Variants in AHNAK observed in about 807,000 individuals in gnomAD.
AHNAK encodes the protein AHNAK nucleoprotein, also known as neuroblast differentiation-associated protein AHNAK.
A neutral mutation model predicts 37.8 loss-of-function variants in AHNAK; 23 were observed. That is an observed-to-expected ratio of 0.61 (90% CI 0.44 to 0.86). AHNAK has a LOEUF of 0.86. Among genes scored for constraint, AHNAK ranks in the 40% least tolerant of loss-of-function variants. AHNAK has a pLI of 0.00. For missense variants in AHNAK, 7,411 were observed against 7,319.4 expected, an observed-to-expected ratio of 1.01 and a Z score of -0.46; for synonymous variants, 2,481 against 2,636.3, an observed-to-expected ratio of 0.94 and a Z score of 1.80.
chr11:62,534,882 G>A (rs760236856), intron 4 of AHNAK, 121 bp downstream of exon 4: 2 of 1,039,728 alleles, frequency 1.9e-6, no homozygotes, highest in East Asian at 4.9e-5. Flanking sequence ...GAAGACAGGT[G>A]AGAGGAGAAG....
chr11:62,433,790 A>G, exon 6 of AHNAK: 2 of 1,563,276 alleles, frequency 1.3e-6, no homozygotes, highest in Non-Finnish European at 1.8e-6. Context: ...TGCCCTTGGC[A>G]CAGCAATATG....
chr11:62,439,875 C>A (rs886651767), intron 5 of AHNAK, among the ~76,000 whole-genome samples: 1 of 151,640 alleles, frequency 6.6e-6, no homozygotes, highest in Non-Finnish European at 1.5e-5. Flanking sequence ...GCCATGTTAG[C>A]CAGGCTGGTC....
chr11:62,480,445 A>G (rs1939244650), intron 5 of AHNAK, among the ~76,000 whole-genome samples: 1 of 151,958 alleles, frequency 6.6e-6, no homozygotes, highest in Non-Finnish European at 1.5e-5. Context: ...GTGGATCACA[A>G]GGTCGGGAGT....
intron 5 of AHNAK, among the ~76,000 whole-genome samples, chr11:62,436,752 C>T (rs1295731216): frequency 2.0e-5 from 3 of 151,540 alleles, no homozygotes; most frequent in Non-Finnish European, 2.9e-5. Context: ...CTGGCTAACA[C>T]GGTGAAACCC....
intron 4 of AHNAK, among the ~76,000 whole-genome samples, chr11:62,507,716 G>A (rs932392129): frequency 3.3e-5 from 5 of 152,164 alleles, no homozygotes; most frequent in African/African-American, 4.8e-5. Context: ...AGGAGGCAGA[G>A]GTTGCAGTAA....
Position 62,516,987 on chromosome 11 carries a change from A to G in AHNAK, c.17430T>C (p.Gly5810=). The G allele has an allele frequency of 6.2e-7, 1 of 1,613,926 alleles. No individual in the cohort carries two copies. The highest frequency in any genetic ancestry group is 1.1e-5 in the South Asian group (1 of 91,064). Residue 5810 remains glycine (G), a synonymous_variant, in exon 5 of 5, where the codon GGT becomes GGC. Transcript: ENST00000378024. ...EFEGGEVSLE[G]GKVKGKHGKL... ...TCCCGTGTTTCCCTTTAACTTTCCCACCTTCCAGAGACACTTCCCCACCTT... is the reference window on the plus strand; with the variant it reads ...TCCCGTGTTTCCCTTTAACTTTCCCGCCTTCCAGAGACACTTCCCCACCTT...
chr11:62,480,172 C>G (rs2134868390), intron 5 of AHNAK, among the ~76,000 whole-genome samples: 1 of 152,348 alleles, frequency 6.6e-6, no homozygotes, highest in East Asian at 1.9e-4. Context: ...GCCAGCTGTC[C>G]TGGACAGTGA....
intron 5 of AHNAK, among the ~76,000 whole-genome samples, chr11:62,453,933 CCCGT>C (rs972744789): frequency 6.6e-6 from 1 of 151,474 alleles, no homozygotes; most frequent in Non-Finnish European, 1.5e-5. Flanking sequence ...ATGGTGAAAC[CCCGT>C]CTCTACTAAA....
At position 62,518,279 on chromosome 11, in the gene AHNAK, T is replaced by C. The variant is rs1940100274; in HGVS notation, c.16138A>G (p.Ile5380Val). The change falls in exon 5 of 5, where the codon ATC (isoleucine) becomes GTC (valine). Residue 5380 changes from isoleucine to valine, a missense_variant. Ile to Val is a conservative substitution (Grantham distance 29, BLOSUM62 3). Transcript: ENST00000378024. ...LQGDLAVSGD[I>V]KCPKVSVGAP... is the part of the protein sequence containing the mutation. The stretch of plus-strand genomic sequence containing the variant: ...CCTACGGATACTTTAGGGCATTTGA[T>C]GTCACCAGAGACAGCCAGATCTCCC... 2 of 1,614,066 alleles carry C rather than the reference T, an allele frequency of 1.2e-6. No individual in the cohort carries two copies. The highest frequency in any genetic ancestry group is 1.3e-5 in the African/African-American group (1 of 74,912).
At position 62,529,401 on chromosome 11, in the gene AHNAK, A is replaced by T. The variant is rs1399157987; in HGVS notation, c.5016T>A (p.Asp1672Glu). 6.2e-6 allele frequency: 10 copies of T among 1,613,770 alleles called. No homozygotes were observed. The highest frequency in any genetic ancestry group is 8.5e-6 in the Non-Finnish European group (10 of 1,179,972). Residue 1672 changes from aspartate (D) to glutamate (E), a missense_variant, in exon 5 of 5, where the codon GAT (aspartate) becomes GAA (glutamate). Transcript: ENST00000378024. ...CACCTTCTACCTTGGGCACAGACAC[A>T]TCCATATCCCCTTTGACTTTGGGGC... is the stretch of plus-strand genomic sequence containing the variant. ...LKGPKVKGDM[D>E]VSVPKVEGEM...
chr11:62,497,589 G>C (rs1238595422), intron 4 of AHNAK, among the ~76,000 whole-genome samples: 1 of 152,192 alleles, frequency 6.6e-6, no homozygotes. Flanking sequence ...CGACATATCT[G>C]ATTATGTTAC....
intron 5 of AHNAK, among the ~76,000 whole-genome samples, chr11:62,491,499 T>G (rs1203054062): frequency 6.6e-6 from 1 of 151,918 alleles, no homozygotes; most frequent in Non-Finnish European, 1.5e-5. Context: ...TCTGAAGGAG[T>G]ACGTAATCCT....
rs201679230 is a variant in AHNAK, at chr11:62,523,801, T to C, written c.10616A>G (p.Lys3539Arg). 2 of 1,614,160 alleles carry C rather than the reference T, an allele frequency of 1.2e-6. No homozygotes were observed. The highest frequency in any genetic ancestry group is 1.7e-6 in the Non-Finnish European group (2 of 1,180,036). ...PKFKMPDMNIKAPKISMPDID... is the reference protein window; with the variant it reads ...PKFKMPDMNIRAPKISMPDID... ...GTCAGGCATGGAGATCTTGGGAGCTTTGATATTCATGTCAGGCATCTTGAA... is the reference window on the plus strand; with the variant it reads ...GTCAGGCATGGAGATCTTGGGAGCTCTGATATTCATGTCAGGCATCTTGAA... Residue 3539 changes from lysine to arginine, a missense_variant, in exon 5 of 5, where the codon AAA becomes AGA. Transcript: ENST00000378024.
exon 6 of AHNAK, chr11:62,433,624 C>A: frequency 3.6e-6 from 2 of 559,514 alleles, no homozygotes; most frequent in Non-Finnish European, 6.3e-6. Flanking sequence ...CCCTCTAGTC[C>A]CAAACCTAAG....
chr11:62,522,421 G>A lies in AHNAK; in HGVS notation c.11996C>T (p.Pro3999Leu). Residue 3999 changes from proline to leucine, a missense_variant, in exon 5 of 5, where the codon CCC becomes CTC. Pro to Leu is a moderately conservative substitution (Grantham distance 98). Transcript: ENST00000378024. Reference sequence around the variant, plus strand: ...ATCAAAGTCAGGCATGGAGATCTTGGGGGCTTTGATGTTCATCTCTGGCAT... The same window carrying A: ...ATCAAAGTCAGGCATGGAGATCTTGAGGGCTTTGATGTTCATCTCTGGCAT... Reference protein sequence around the residue: ...FKMPEMNIKAPKISMPDFDLH... With the variant: ...FKMPEMNIKALKISMPDFDLH... 1.2e-6 allele frequency: 2 copies of A among 1,614,058 alleles called. No individual in the cohort carries two copies. Among genetic ancestry groups the A allele is most frequent in the Non-Finnish European group, 1.7e-6 (2 of 1,180,032 alleles).
In AHNAK at chr11:62,533,955, G is replaced by T. The variant is rs1165778913; in HGVS notation, c.462C>A (p.Thr154=). 6 of 1,614,052 alleles carry T rather than the reference G, an allele frequency of 3.7e-6. No individual in the cohort carries two copies. Among genetic ancestry groups the T allele is most frequent in the Non-Finnish European group, 5.1e-6 (6 of 1,179,950 alleles). ...CCACAGTGTAGGCCGTGACCCTTCT[G>T]GTCACTGTGATGGTACGGCTCTGGG... ...GETQSRTITV[T]RRVTAYTVDV... Residue 154 remains threonine, a synonymous_variant, in exon 5 of 5, where the codon ACC becomes ACA. Transcript: ENST00000378024.
chr11:62,453,302 C>T (rs923797677), intron 5 of AHNAK, among the ~76,000 whole-genome samples: 3 of 142,992 alleles, frequency 2.1e-5, no homozygotes, highest in Non-Finnish European at 3.1e-5. Flanking sequence ...TCCCTGATGA[C>T]GACTTCAGCT....
intron 5 of AHNAK, among the ~76,000 whole-genome samples, chr11:62,466,967 T>G (rs915047631): frequency 6.6e-6 from 1 of 152,222 alleles, no homozygotes; most frequent in Non-Finnish European, 1.5e-5. Context: ...CCTAAGTATC[T>G]CTTTTAAAAG....
Position 62,519,856 on chromosome 11 carries a change from A to T in AHNAK, c.14561T>A (p.Val4854Asp), listed in dbSNP as rs574242504. The change falls in exon 5 of 5, where the codon GTT becomes GAT. Residue 4854 changes from valine to aspartate, a missense_variant. Coordinates refer to ENST00000378024, the MANE Select transcript of AHNAK (RefSeq NM_001620.3). The part of the protein sequence containing the change: ...IKAPKISIPD[V>D]DLDLKGPKVK... ...TTTGGGTCCTTTCAAATCCAGGTCAACATCAGGTATGGAGATCTTGGGAGC... is the reference window on the plus strand; with the variant it reads ...TTTGGGTCCTTTCAAATCCAGGTCATCATCAGGTATGGAGATCTTGGGAGC... The T allele has an allele frequency of 6.2e-7, 1 of 1,614,170 alleles. No homozygotes were observed. Among genetic ancestry groups the T allele is most frequent in the Admixed American group, 1.7e-5 (1 of 60,022 alleles).
Sources: gnomAD v4.1 joint callset for allele counts (sites outside exome capture counted in the v4.1 genomes callset) on GRCh38, gnomAD v4.1.1 for gene constraint, MANE v1.5 for transcripts, NCBI Gene and HGNC (gene_info 2026-07-23, HGNC 2026-07-21) for gene names.